Variants in PTPRN observed in about 807,000 individuals in gnomAD.
PTPRN encodes protein tyrosine phosphatase receptor type N.
A neutral mutation model predicts 108.5 loss-of-function variants in PTPRN; 70 were observed. The ratio of observed to expected loss-of-function variants is 0.65; its 90% CI spans 0.53 to 0.79. The LOEUF is 0.79. PTPRN is among the 30% of genes least tolerant of loss of function. The probability of loss-of-function intolerance (pLI) is 0.00; values close to 1 mark genes in which losing one functional copy is unlikely to be tolerated. For synonymous variants in PTPRN, 496 were observed against 524.6 expected, an observed-to-expected ratio of 0.95 and a Z score of 0.75; for missense variants, 1,136 against 1,295.5, an observed-to-expected ratio of 0.88 and a Z score of 1.89.
At position 219,298,118 on chromosome 2, in the gene PTPRN, C is replaced by G. The variant is rs749148333; in HGVS notation, c.1669-15G>C. 1.2e-6 allele frequency: 2 copies of G among 1,607,866 alleles called. No individual in the cohort carries two copies. Among genetic ancestry groups the G allele is most frequent in the Non-Finnish European group, 1.7e-6 (2 of 1,178,410 alleles). ...GCCTCCTCCCTCTGTGGGAACAAGGCTAGAATCAAGGGAGGCAGTGGCATA... is the reference window on the plus strand; with the variant it reads ...GCCTCCTCCCTCTGTGGGAACAAGGGTAGAATCAAGGGAGGCAGTGGCATA... On this transcript the variant is annotated splice_polypyrimidine_tract_variant and intron_variant, in intron 12 of 22. Coordinates refer to ENST00000295718, the MANE Select transcript of PTPRN (RefSeq NM_002846.4).
At chr2:219,295,749 A>G (rs1952176493) in intron 18 of PTPRN, 2 of 157,272 alleles carry the variant, frequency 1.3e-5, no homozygotes, top group African/African-American at 2.4e-5. Flanking sequence ...TACATTAGTA[A>G]CGTATGTAAC....
At chr2:219,307,654 A>T in intron 2 of PTPRN, 97 bp from the exon 3 acceptor site, 1 of 1,444,576 alleles carries the variant, frequency 6.9e-7, no homozygotes, top group Non-Finnish European at 9.6e-7. Flanking sequence ...TTTCTCCCCT[A>T]CCTCTCCTCC....
Position 219,300,190 on chromosome 2 carries a change from G to GC in PTPRN, c.1230_1231insG (p.His411AlafsTer10). 1 of 1,611,500 alleles carries GC rather than the reference G, an allele frequency of 6.2e-7. No homozygotes were observed. Among genetic ancestry groups the GC allele is most frequent in the Non-Finnish European group, 8.5e-7 (1 of 1,178,404 alleles). On this transcript the variant is annotated frameshift_variant, in exon 9 of 23. Transcript: ENST00000295718. LOFTEE classifies it high-confidence loss of function. ...CTGGAGGTAGGGCTGGCAGTGGGGT[G>GC]TCCAGGCATGGGGGATGTGCGGGCT... is the stretch of plus-strand genomic sequence containing the variant.
intron 19 of PTPRN, chr2:219,292,894 G>A (rs1310194275): frequency 2.0e-5 from 3 of 152,234 alleles, no homozygotes; most frequent in Non-Finnish European, 4.4e-5. Context: ...GATCTAGGTT[G>A]TGAGCTCCTT....
chr2:219,297,111 G>T lies in PTPRN; in HGVS notation c.2110C>A (p.Arg704=), dbSNP rs754503504. 1.2e-6 allele frequency: 2 copies of T among 1,614,020 alleles called. No homozygotes were observed. Among genetic ancestry groups the T allele is most frequent in the East Asian group, 2.2e-5 (1 of 44,882 alleles). The change falls in exon 15 of 23, where the codon CGG becomes AGG. Residue 704 remains arginine (R), a synonymous_variant. Transcript: ENST00000295718. The surrounding 1 kb of genome is among the most constrained non-coding windows in gnomAD (Gnocchi z 6.0). ...TCCTTGGCAAGGCGGTCCCGGTTCCGCAGGTGATCCTCCATGTATGCCTGT... is the reference window on the plus strand; with the variant it reads ...TCCTTGGCAAGGCGGTCCCGGTTCCTCAGGTGATCCTCCATGTATGCCTGT... ...MILAYMEDHL[R]NRDRLAKEWQ...
At chr2:219,304,128 T>C (rs1302960913) in intron 3 of PTPRN, 1 of 243,186 alleles carries the variant, frequency 4.1e-6, no homozygotes, top group Non-Finnish European at 8.0e-6. Flanking sequence ...GATTTATACC[T>C]CCTAGGATTG....
At chr2:219,309,114 C>T (rs1442462260) in intron 1 of PTPRN, 104 bp downstream of exon 1, 4 of 1,469,344 alleles carry the variant, frequency 2.7e-6, no homozygotes, top group Admixed American at 4.1e-5. Context: ...CCCATATTCT[C>T]CCCGAGCTTC....
chr2:219,305,685 A>G (rs980196789), intron 3 of PTPRN, among the ~76,000 whole-genome samples: 7 of 152,138 alleles, frequency 4.6e-5, no homozygotes, highest in Admixed American at 1.3e-4. Context: ...CCAGGTGAGA[A>G]CTCTGTCTCT....
chr2:219,307,758 G>T (rs779209325), intron 2 of PTPRN, 34 bp downstream of exon 2: 187 of 1,609,186 alleles, frequency 1.2e-4, no homozygotes, highest in Non-Finnish European at 1.6e-4. Flanking sequence ...CTCTCCCCCC[G>T]ATCTTGTGAG....
chr2:219,299,725 A>G lies in PTPRN; in HGVS notation c.1498T>C (p.Ser500Pro), dbSNP rs1483858214. Residue 500 changes from serine to proline, a missense_variant, in exon 10 of 23, where the codon TCC becomes CCC. Coordinates refer to ENST00000295718, the MANE Select transcript of PTPRN (RefSeq NM_002846.4). ...LEILAEHVHM[S>P]SGSFINISVV... ...CTGATGTTGATGAAGCTGCCTGAGG[A>G]CATGTGCACATGCTCAGCCAGGATC... is the stretch of plus-strand genomic sequence containing the variant. 1 of 1,607,034 alleles carries G rather than the reference A, an allele frequency of 6.2e-7. No individual in the cohort carries two copies. The highest frequency in any genetic ancestry group is 8.5e-7 in the Non-Finnish European group (1 of 1,174,514).
chr2:219,304,113 A>C, intron 3 of PTPRN: 1 of 274,288 alleles, frequency 3.6e-6, no homozygotes, highest in Non-Finnish European at 6.9e-6. Context: ...CATCAATAAA[A>C]TGGGGATTTA....
chr2:219,294,302 T>G, intron 19 of PTPRN: 2 of 388,378 alleles, frequency 5.1e-6, no homozygotes, highest in Non-Finnish European at 5.4e-6. Context: ...AGAGAGAAAC[T>G]GGCAGACAGG....
Position 219,302,447 on chromosome 2 carries a change from C to A in PTPRN, c.684G>T (p.Gly228=). The A allele has an allele frequency of 6.2e-7, 1 of 1,614,130 alleles. No homozygotes were observed. The highest frequency in any genetic ancestry group is 1.7e-5 in the Admixed American group (1 of 60,022). The change falls in exon 6 of 23, where the codon GGG becomes GGT. Residue 228 remains glycine (G), a synonymous_variant. Transcript: ENST00000295718. ...TGGGCAGGGGGCCGACACTGACCAT[C>A]CCTGGGGAGCCCTCTGAGACCCTGG... The part of the protein sequence containing the change: ...DGSRVSEGSP[G]MVSVGPLPKA...
intron 20 of PTPRN, 151 bp downstream of exon 20, chr2:219,291,319 C>T: frequency 3.6e-6 from 3 of 824,546 alleles, no homozygotes; most frequent in South Asian, 2.9e-5. Context: ...ACTGTGAATG[C>T]CACGCTTAGG....
rs1433168114 is a variant in PTPRN, at chr2:219,290,653, AGAG to A, written c.2795-45_2795-43del. The A allele has an allele frequency of 9.8e-6, 15 of 1,528,246 alleles. No homozygotes were observed. Among genetic ancestry groups the A allele is most frequent in the Non-Finnish European group, 1.3e-5 (15 of 1,125,178 alleles). 94.7% of individuals were successfully genotyped at this position (1,528,246 alleles called of 1,614,324 possible). A position where few individuals can be genotyped will look rare whatever the true frequency, so the allele number is the denominator to read the frequency against. Reference sequence around the variant, plus strand: ...GGATGGGGCTGCTCAGGGGGTGTCCAGAGGAGGACAGGACCCAGAAAACCTGAG... The same window carrying A: ...GGATGGGGCTGCTCAGGGGGTGTCCAGAGGACAGGACCCAGAAAACCTGAG... On this transcript the variant is annotated intron_variant, in intron 21 of 22. Transcript: ENST00000295718. This position sits in a 1 kb window ranked among gnomAD's most constrained non-coding sequence, Gnocchi z 4.2.
At position 219,302,199 on chromosome 2, in the gene PTPRN, C is replaced by T; in HGVS notation, c.932G>A (p.Gly311Asp). 6.2e-7 allele frequency: 1 copy of T among 1,612,030 alleles called. No homozygotes were observed. The highest frequency in any genetic ancestry group is 2.2e-5 in the East Asian group (1 of 44,818). The change falls in exon 6 of 23, where the codon GGC (glycine) becomes GAC (aspartate). Residue 311 changes from glycine to aspartate, a missense_variant. Gly to Asp is a moderately conservative substitution (Grantham distance 94). Coordinates refer to ENST00000295718, the MANE Select transcript of PTPRN (RefSeq NM_002846.4). Reference protein sequence around the residue: ...SSSRAEDSPEGYEKEGLGDRG... With the variant: ...SSSRAEDSPEDYEKEGLGDRG... ...ATCCCCTAGTCCTTCCTTCTCATAG[C>T]CCTCTGGGGAGTCCTCTGCCCGGCT...
At position 219,302,656 on chromosome 2, in the gene PTPRN, G is replaced by A. The variant is rs762246076; in HGVS notation, c.559C>T (p.His187Tyr). Residue 187 changes from histidine to tyrosine, a missense_variant, in exon 5 of 23, where the codon CAC (histidine) becomes TAC (tyrosine). Physicochemically the swap from His to Tyr is moderately conservative, Grantham distance 83. Transcript: ENST00000295718. Reference sequence around the variant, plus strand: ...GGAGGCTGTGGGGGCAGCAGCAGGTGCTCCAAGAGAGGCGGGAGCAGCTCA... The same window carrying A: ...GGAGGCTGTGGGGGCAGCAGCAGGTACTCCAAGAGAGGCGGGAGCAGCTCA... ...QAELLPPLLE[H>Y]LLLPPQPPHP... 6.2e-7 allele frequency: 1 copy of A among 1,613,812 alleles called. No individual in the cohort carries two copies. Among genetic ancestry groups the A allele is most frequent in the East Asian group, 2.2e-5 (1 of 44,874 alleles).
rs146536241 is a variant in PTPRN at position 219,307,517 on chromosome 2, G to A, written c.207C>T (p.Ala69=). ...FGQCQVGVGQ[A]RPLLQVTSPV... ...GGGAGGTGACTTGCAAAAGGGGCCG[G>A]GCCTGCCCCACTCCCACCTGGCACT... The change falls in exon 3 of 23, where the codon GCC becomes GCT. Residue 69 remains alanine (A), a synonymous_variant. Coordinates refer to ENST00000295718, the MANE Select transcript of PTPRN (RefSeq NM_002846.4). 3.3e-4 allele frequency: 535 copies of A among 1,614,158 alleles called. 1 individual carries two copies. In the African/African-American group the frequency reaches 6.6e-3, roughly 20 times the overall value.
At chr2:219,307,391 A>G (rs1952509637) in intron 3 of PTPRN, 53 bp downstream of exon 3, 2 of 1,445,246 alleles carry the variant, frequency 1.4e-6, no homozygotes, top group Admixed American at 3.6e-5. Context: ...CTTCTTCCCC[A>G]CCCATAACTA....
Sources: gnomAD v4.1 joint callset for allele counts (sites outside exome capture counted in the v4.1 genomes callset) on GRCh38, gnomAD v4.1.1 for gene constraint, Gnocchi (gnomAD v3.1) non-coding constraint, MANE v1.5 for transcripts, NCBI Gene and HGNC (gene_info 2026-07-23, HGNC 2026-07-21) for gene names.